The following MTPN variants were observed in gnomAD, a reference collection of about 807,000 sequenced individuals.
MTPN encodes myotrophin, also known as granule cell differentiation protein.
Under a neutral mutation model 13.5 loss-of-function variants are expected in MTPN, and 2 were observed. That is an observed-to-expected ratio of 0.15 (90% CI 0.06 to 0.47). The LOEUF (loss-of-function observed/expected upper bound fraction) is 0.47, where lower values mean the gene tolerates loss of function less well. Among genes scored for constraint, MTPN ranks in the 20% least tolerant of loss-of-function variants. The pLI, the probability that MTPN is intolerant of heterozygous loss-of-function variation, is 0.97. For synonymous variants in MTPN, 46 were observed against 51.7 expected (o/e 0.89, Z 0.48); for missense variants, 79 against 137.9 (o/e 0.57, Z 2.14).
rs1390225517 is a variant in MTPN, at chr7:135,927,714, T to C, written c.*2212A>G. The C allele has an allele frequency of 9.8e-6, 5 of 511,670 alleles. No homozygotes were observed. Among genetic ancestry groups the C allele is most frequent in the Non-Finnish European group, 2.0e-5 (5 of 255,534 alleles). 31.7% of individuals were successfully genotyped at this position (511,670 alleles called of 1,614,324 possible). A position where few individuals can be genotyped will look rare whatever the true frequency, so the allele number is the denominator to read the frequency against. On this transcript the variant is annotated 3_prime_UTR_variant, in exon 4 of 4. Transcript: ENST00000393085. The stretch of plus-strand genomic sequence containing the variant: ...TCTATTCTATGTTTATATGTTATTT[T>C]CTCAAGCAATCGCTTCATAATTATA...
chr7:135,950,069 A>G (rs1367469568), intron 3 of MTPN, among the ~76,000 whole-genome samples: 1 of 152,188 alleles, frequency 6.6e-6, no homozygotes, highest in Non-Finnish European at 1.5e-5. Context: ...ACTCCATCTA[A>G]GGGCTTATAA....
chr7:135,951,873 T>C lies in MTPN; in HGVS notation c.73-243A>G, dbSNP rs73445840. Reference sequence around the variant, plus strand: ...AAACAATATACAATAATGATAAATATAACGAAATACATTACTGTCCTCCAT... The same window carrying C: ...AAACAATATACAATAATGATAAATACAACGAAATACATTACTGTCCTCCAT... On this transcript the variant is annotated intron_variant, in intron 1 of 3. Transcript: ENST00000393085. Among the ~76,000 whole-genome samples the C allele has an allele frequency of 5.9e-3, 896 of 152,248 alleles. 14 individuals are homozygous for C. Among genetic ancestry groups the C allele is most frequent in the African/African-American group, 0.021 (856 of 41,552 alleles).
chr7:135,934,932 C>T (rs1799091607), intron 3 of MTPN, among the ~76,000 whole-genome samples: 1 of 152,148 alleles, frequency 6.6e-6, no homozygotes, highest in African/African-American at 2.4e-5. Flanking sequence ...TCATCCATGT[C>T]CAACCTTTAT....
chr7:135,951,430 A>C, intron 2 of MTPN, 87 bp downstream of exon 2: 1 of 662,234 alleles, frequency 1.5e-6, no homozygotes, highest in Non-Finnish European at 2.3e-6. Context: ...AGTTTCTACA[A>C]ATAGCTATTT....
At chr7:135,966,096 T>C (rs887534647) in intron 1 of MTPN, among the ~76,000 whole-genome samples, 6 of 152,080 alleles carry the variant, frequency 3.9e-5, no homozygotes, top group African/African-American at 1.4e-4. Flanking sequence ...ATGTAATACA[T>C]TAACAGATAT....
At chr7:135,937,961 C>A (rs1001119872) in intron 3 of MTPN, among the ~76,000 whole-genome samples, 2 of 152,114 alleles carry the variant, frequency 1.3e-5, no homozygotes, top group Admixed American at 1.3e-4. Context: ...TATGTGTTGA[C>A]TGTCTGTTTA....
In MTPN at chr7:135,935,068, C is replaced by G. The variant is rs186269114; in HGVS notation, c.271-5056G>C. The stretch of plus-strand genomic sequence containing the variant: ...TAAACCTTGCTCCTTTTTCAATATT[C>G]TCCAACAAGGTGAAGAACACTACCA... On this transcript the variant is annotated intron_variant, in intron 3 of 3. Transcript: ENST00000393085. 3.2e-3 allele frequency among the ~76,000 whole-genome samples: 484 copies of G among 152,214 alleles called. 4 individuals are homozygous for G. Among genetic ancestry groups the G allele is most frequent in the African/African-American group, 0.011 (466 of 41,534 alleles).
intron 3 of MTPN, among the ~76,000 whole-genome samples, chr7:135,939,163 C>A (rs1486907808): frequency 3.9e-5 from 6 of 152,178 alleles, no homozygotes; most frequent in Non-Finnish European, 8.8e-5. Context: ...TAAATGAATA[C>A]AGTGTGTACT....
intron 3 of MTPN, among the ~76,000 whole-genome samples, chr7:135,936,290 GC>G (rs1799113721): frequency 6.6e-6 from 1 of 152,184 alleles, no homozygotes. Flanking sequence ...TTCAAGACCA[GC>G]CTGGTCAACA....
rs889615096 is a variant in MTPN at position 135,927,974 on chromosome 7, T to C, written c.*1952A>G. The C allele has an allele frequency of 4.4e-5, 13 of 293,870 alleles. No homozygotes were observed. The highest frequency in any genetic ancestry group is 4.2e-4 in the South Asian group (12 of 28,900). The allele number at this position is 293,870 out of a possible 1,614,324, so 18.2% of individuals were successfully genotyped here. A position where few individuals can be genotyped will look rare whatever the true frequency, so the allele number is the denominator to read the frequency against. ...AAAGGGAAAAATTCAAGCCTTTAAATAGCATTATGTCAAGAGGTGAAAACA... is the reference window on the plus strand; with the variant it reads ...AAAGGGAAAAATTCAAGCCTTTAAACAGCATTATGTCAAGAGGTGAAAACA... On this transcript the variant is annotated 3_prime_UTR_variant, in exon 4 of 4. Coordinates refer to ENST00000393085, the MANE Select transcript of MTPN (RefSeq NM_145808.4).
intron 3 of MTPN, among the ~76,000 whole-genome samples, chr7:135,946,551 T>C (rs943691526): frequency 4.6e-5 from 7 of 152,190 alleles, no homozygotes; most frequent in East Asian, 1.9e-4. Flanking sequence ...CGTTTATGTA[T>C]TGTCTATGGC....
intron 1 of MTPN, among the ~76,000 whole-genome samples, chr7:135,973,031 G>A (rs912523195): frequency 6.7e-6 from 1 of 150,236 alleles, no homozygotes; most frequent in Non-Finnish European, 1.5e-5. Context: ...AGATAATAGT[G>A]GCCTAGTACA....
At chr7:135,963,536 A>T (rs1799556629) in intron 1 of MTPN, among the ~76,000 whole-genome samples, 1 of 152,068 alleles carries the variant, frequency 6.6e-6, no homozygotes. Flanking sequence ...ACAGAAAAAC[A>T]GACAGATGGC....
intron 3 of MTPN, among the ~76,000 whole-genome samples, chr7:135,933,098 C>CAAAA (rs56865854): frequency 0.055 from 3,482 of 62,956 alleles, 136 homozygotes; most frequent in East Asian, 0.074. Context: ...CACTCAGCCT[C>CAAAA]AAAAAAAAAA....
intron 1 of MTPN, among the ~76,000 whole-genome samples, 180 bp from the exon 2 acceptor site, chr7:135,951,810 A>C (rs764531619): frequency 9.2e-5 from 14 of 152,220 alleles, no homozygotes; most frequent in Non-Finnish European, 1.3e-4. Flanking sequence ...GTTAACATAC[A>C]GTATGATGGA....
intron 3 of MTPN, among the ~76,000 whole-genome samples, chr7:135,941,734 A>C (rs1799212885): frequency 6.6e-6 from 1 of 152,148 alleles, no homozygotes; most frequent in Non-Finnish European, 1.5e-5. Context: ...TTTTAATATC[A>C]CTATAGCAAT....
chr7:135,935,891 A>G (rs11772267), intron 3 of MTPN, among the ~76,000 whole-genome samples: 20,358 of 151,920 alleles, frequency 0.13, 1,495 homozygotes, highest in East Asian at 0.19. Flanking sequence ...TCTAAGGTTC[A>G]GCTCAAGTGT....
At chr7:135,974,642 G>T (rs906517700) in intron 1 of MTPN, among the ~76,000 whole-genome samples, 1 of 152,186 alleles carries the variant, frequency 6.6e-6, no homozygotes, top group Non-Finnish European at 1.5e-5. Context: ...GAATGTTGAG[G>T]AGAGTTTTTA....
chr7:135,954,393 C>T (rs1799409240), intron 1 of MTPN, among the ~76,000 whole-genome samples: 1 of 152,106 alleles, frequency 6.6e-6, no homozygotes, highest in African/African-American at 2.4e-5. Context: ...TATTCAAAAT[C>T]AAATTTAAAT....
Sources: allele counts gnomAD v4.1 joint callset (sites outside exome capture counted in the v4.1 genomes callset), GRCh38; gene constraint gnomAD v4.1.1; transcripts MANE v1.5; gene names NCBI Gene and HGNC (gene_info 2026-07-23, HGNC 2026-07-21).